Variants in METTL15 observed in about 807,000 individuals in gnomAD.
The protein encoded by METTL15 is methyltransferase 15, mitochondrial 12S rRNA N4-cytidine.
METTL15 carries 34 observed loss-of-function variants against 38.3 expected under a neutral mutation model. The ratio of observed to expected loss-of-function variants is 0.89; its 90% CI spans 0.68 to 1.18. The LOEUF (loss-of-function observed/expected upper bound fraction) is 1.18, where lower values mean the gene tolerates loss of function less well. METTL15 is among the 50% of genes most tolerant of loss of function. The probability of loss-of-function intolerance (pLI) is 0.00; values close to 1 mark genes in which losing one functional copy is unlikely to be tolerated. For synonymous variants in METTL15, 162 were observed against 170.9 expected, an observed-to-expected ratio of 0.95 and a Z score of 0.41; for missense variants, 438 against 498.4, an observed-to-expected ratio of 0.88 and a Z score of 1.15.
chr11:28,325,671 C>T (rs1849612667), intron 6 of METTL15, among the ~76,000 whole-genome samples: 1 of 152,052 alleles, frequency 6.6e-6, no homozygotes, highest in Admixed American at 6.6e-5. Context: ...AGTAGTGATT[C>T]CTGAGTAATA....
At chr11:28,292,748 A>T (rs1253670840) in intron 5 of METTL15, among the ~76,000 whole-genome samples, 2 of 152,082 alleles carry the variant, frequency 1.3e-5, no homozygotes, top group Admixed American at 6.6e-5. Context: ...AATGATTGCC[A>T]TTCTAACTGG....
intron 4 of METTL15, among the ~76,000 whole-genome samples, chr11:28,211,827 G>T (rs1852654991): frequency 6.6e-6 from 1 of 151,914 alleles, no homozygotes; most frequent in Admixed American, 6.6e-5. Context: ...AAATATCTTG[G>T]AGCTAAGATG....
intron 4 of METTL15, among the ~76,000 whole-genome samples, chr11:28,239,949 C>T (rs1417888395): frequency 6.6e-6 from 1 of 152,024 alleles, no homozygotes; most frequent in Non-Finnish European, 1.5e-5. Context: ...ATATAACTAC[C>T]ATGACAGTAG....
intron 4 of METTL15, among the ~76,000 whole-genome samples, chr11:28,279,928 A>T (rs2133971629): frequency 6.6e-6 from 1 of 152,116 alleles, no homozygotes; most frequent in African/African-American, 2.4e-5. Flanking sequence ...AAAAAAAAAA[A>T]AAAGGAAGGC....
intron 6 of METTL15, among the ~76,000 whole-genome samples, chr11:28,508,773 C>T (rs1469087602): frequency 1.3e-5 from 2 of 152,142 alleles, no homozygotes; most frequent in African/African-American, 2.4e-5. Context: ...CTACCAATAC[C>T]TCTTTTGTCT....
intron 3 of METTL15, among the ~76,000 whole-genome samples, chr11:28,210,357 T>A (rs561432741): frequency 6.6e-6 from 1 of 151,972 alleles, no homozygotes; most frequent in Non-Finnish European, 1.5e-5. Flanking sequence ...TGGTATCTTC[T>A]TTTCTTCTTC....
chr11:28,172,765 A>T (rs1850905003), intron 3 of METTL15, among the ~76,000 whole-genome samples: 2 of 152,210 alleles, frequency 1.3e-5, no homozygotes, highest in Admixed American at 6.5e-5. Flanking sequence ...TGATTTTCTA[A>T]TATCAGTCCT....
chr11:28,175,083 G>A (rs2133770636), intron 3 of METTL15, among the ~76,000 whole-genome samples: 1 of 152,068 alleles, frequency 6.6e-6, no homozygotes, highest in African/African-American at 2.4e-5. Flanking sequence ...ATCTCCAAAT[G>A]CTATCCCTCC....
At chr11:28,410,499 C>A (rs991491955) in intron 5 of METTL15, among the ~76,000 whole-genome samples, 9 of 151,954 alleles carry the variant, frequency 5.9e-5, no homozygotes, top group African/African-American at 2.2e-4. Context: ...TACATCACAC[C>A]AACAGAATAA....
At chr11:28,155,031 A>G (rs1850216303) in intron 3 of METTL15, among the ~76,000 whole-genome samples, 1 of 152,148 alleles carries the variant, frequency 6.6e-6, no homozygotes, top group Admixed American at 6.6e-5. Flanking sequence ...TTTTGGCAGG[A>G]TCAGGATTGA....
intron 4 of METTL15, among the ~76,000 whole-genome samples, chr11:28,280,372 CTG>C (rs755366224): frequency 6.6e-6 from 1 of 152,098 alleles, no homozygotes; most frequent in Non-Finnish European, 1.5e-5. Flanking sequence ...TTAGTTCTGA[CTG>C]TTGCTCTCTT....
chr11:28,211,507 A>G (rs370350699), intron 4 of METTL15, among the ~76,000 whole-genome samples: 1 of 152,186 alleles, frequency 6.6e-6, no homozygotes, highest in East Asian at 1.9e-4. Flanking sequence ...TCAAAAAATA[A>G]TTTTTAAACA....
At chr11:28,245,114 T>C (rs1023554852) in intron 4 of METTL15, among the ~76,000 whole-genome samples, 1 of 152,178 alleles carries the variant, frequency 6.6e-6, no homozygotes, top group Non-Finnish European at 1.5e-5. Context: ...GCTGTATCCG[T>C]TGGGAATCAA....
chr11:28,225,185 T>C (rs1358218791), intron 4 of METTL15, among the ~76,000 whole-genome samples: 7 of 152,020 alleles, frequency 4.6e-5, no homozygotes, highest in Admixed American at 6.6e-5. Context: ...TCTACTCTTA[T>C]GATAACTATT....
intron 3 of METTL15, among the ~76,000 whole-genome samples, chr11:28,207,946 T>C (rs540099491): frequency 8.5e-5 from 13 of 152,066 alleles, no homozygotes; most frequent in African/African-American, 2.7e-4. Context: ...CTGTGGGATC[T>C]GTGGTGATAT....
intron 6 of METTL15, among the ~76,000 whole-genome samples, chr11:28,484,931 G>A (rs1472794794): frequency 6.6e-6 from 1 of 152,166 alleles, no homozygotes; most frequent in Non-Finnish European, 1.5e-5. Context: ...AACTGTGCCT[G>A]CTCATGAATC....
chr11:28,137,730 A>G (rs941618208), intron 3 of METTL15, among the ~76,000 whole-genome samples: 4 of 152,218 alleles, frequency 2.6e-5, no homozygotes, highest in African/African-American at 9.6e-5. Flanking sequence ...TTGTCTTCAA[A>G]AATATTTCTA....
chr11:28,445,541 G>A (rs1052705806), intron 6 of METTL15, among the ~76,000 whole-genome samples: 2 of 152,126 alleles, frequency 1.3e-5, no homozygotes, highest in African/African-American at 4.8e-5. Flanking sequence ...CTTGGATTGT[G>A]CAGGGTATTT....
intron 2 of METTL15, among the ~76,000 whole-genome samples, chr11:28,111,238 A>G (rs931631082): frequency 6.6e-6 from 1 of 152,242 alleles, no homozygotes; most frequent in Admixed American, 6.5e-5. Flanking sequence ...TGCAATAGAA[A>G]AAAATTAAAT....
Sources: allele counts gnomAD v4.1 joint callset (sites outside exome capture counted in the v4.1 genomes callset), GRCh38; gene constraint gnomAD v4.1.1; transcripts MANE v1.5; gene names NCBI Gene and HGNC (gene_info 2026-07-23, HGNC 2026-07-21).